The following CDH4 variants were observed in gnomAD, a reference collection of about 807,000 sequenced individuals.
CDH4 encodes cadherin-4.
A neutral mutation model predicts 86.0 loss-of-function variants in CDH4; 33 were observed. The ratio of observed to expected loss-of-function variants is 0.38; its 90% CI spans 0.29 to 0.51. CDH4 has a LOEUF of 0.51. Among genes scored for constraint, CDH4 ranks in the 20% least tolerant of loss-of-function variants. The probability of loss-of-function intolerance (pLI) is 0.86; values close to 1 mark genes in which losing one functional copy is unlikely to be tolerated. For synonymous variants in CDH4, 555 were observed against 549.4 expected (o/e 1.01, Z -0.14); for missense variants, 1,114 against 1,307.4 (o/e 0.85, Z 2.28).
At chr20:61,846,170 C>G in intron 5 of CDH4, among the ~76,000 whole-genome samples, 1 of 152,248 alleles carries the variant, frequency 6.6e-6, no homozygotes, top group East Asian at 1.9e-4. Flanking sequence ...CTGCCCTAAC[C>G]CCGGTCTGCA....
chr20:61,796,325 G>A (rs574959200), intron 4 of CDH4, among the ~76,000 whole-genome samples: 3 of 152,138 alleles, frequency 2.0e-5, no homozygotes, highest in South Asian at 4.2e-4. Flanking sequence ...GCTCAAAGCC[G>A]CTCTCTGGCC....
intron 2 of CDH4, among the ~76,000 whole-genome samples, chr20:61,650,670 A>G (rs1431358912): frequency 6.6e-6 from 1 of 152,216 alleles, no homozygotes; most frequent in Non-Finnish European, 1.5e-5. Flanking sequence ...ATCAGCATAG[A>G]TGATCCACCC....
chr20:61,931,510 C>T (rs926703608), intron 13 of CDH4, among the ~76,000 whole-genome samples: 8 of 152,176 alleles, frequency 5.3e-5, no homozygotes, highest in African/African-American at 1.9e-4. Flanking sequence ...ACTGGGGGGT[C>T]GCCGCCCCTC....
At chr20:61,724,431 G>GCTT in intron 2 of CDH4, among the ~76,000 whole-genome samples, 4 of 152,182 alleles carry the variant, frequency 2.6e-5, no homozygotes, top group Non-Finnish European at 5.9e-5. Flanking sequence ...GCTGAGTACA[G>GCTT]TGGGCTCAGT....
chr20:61,425,740 A>G (rs972416632), intron 2 of CDH4, among the ~76,000 whole-genome samples: 2 of 151,774 alleles, frequency 1.3e-5, no homozygotes, highest in African/African-American at 4.8e-5. Context: ...CCAGGGCAGA[A>G]TGGCCAATTG....
chr20:61,345,535 G>A (rs911343569), intron 2 of CDH4, among the ~76,000 whole-genome samples: 3 of 152,218 alleles, frequency 2.0e-5, no homozygotes, highest in Admixed American at 1.3e-4. Flanking sequence ...GAATACCCAG[G>A]GTGGAAAATC....
intron 9 of CDH4, among the ~76,000 whole-genome samples, chr20:61,916,670 G>A (rs1220138469): frequency 6.6e-6 from 1 of 152,228 alleles, no homozygotes; most frequent in Admixed American, 6.5e-5. Context: ...TCCCTCAGAA[G>A]AGCAGGCACC....
At chr20:61,410,430 C>G (rs1410396819) in intron 2 of CDH4, among the ~76,000 whole-genome samples, 1 of 134,702 alleles carries the variant, frequency 7.4e-6, no homozygotes, top group African/African-American at 2.5e-5. Context: ...TCTTCCATTC[C>G]TCCCACTGGT....
At chr20:61,789,203 A>C (rs1459338501) in intron 4 of CDH4, among the ~76,000 whole-genome samples, 1 of 152,202 alleles carries the variant, frequency 6.6e-6, no homozygotes, top group Non-Finnish European at 1.5e-5. Context: ...TGGCCTACGG[A>C]TGCATCTGCA....
At chr20:61,931,923 A>G (rs1039691668) in intron 13 of CDH4, among the ~76,000 whole-genome samples, 4 of 152,092 alleles carry the variant, frequency 2.6e-5, no homozygotes, top group African/African-American at 9.7e-5. Flanking sequence ...GAGTGGTGGA[A>G]AGAGCCCCTC....
At chr20:61,519,860 G>A (rs542430360) in intron 2 of CDH4, among the ~76,000 whole-genome samples, 6 of 152,304 alleles carry the variant, frequency 3.9e-5, no homozygotes, top group South Asian at 2.1e-4. Flanking sequence ...GGCCCTGACC[G>A]CTGTCTAGAA....
At chr20:61,891,357 A>G (rs2056511777) in intron 7 of CDH4, among the ~76,000 whole-genome samples, 1 of 152,146 alleles carries the variant, frequency 6.6e-6, no homozygotes, top group Admixed American at 6.5e-5. Context: ...TGCAGCCTGC[A>G]GGCCCCTCCC....
intron 2 of CDH4, among the ~76,000 whole-genome samples, chr20:61,588,554 G>A (rs902570142): frequency 1.3e-5 from 2 of 152,280 alleles, no homozygotes; most frequent in East Asian, 1.9e-4. Flanking sequence ...CTCATTCCCC[G>A]CTGAGGGGAA....
intron 2 of CDH4, among the ~76,000 whole-genome samples, chr20:61,671,328 C>CA (rs1188516233): frequency 2.6e-5 from 4 of 152,042 alleles, no homozygotes; most frequent in South Asian, 4.1e-4. Flanking sequence ...CCTGTCTCTA[C>CA]AAAAATTAAT....
rs938194127 is a variant in CDH4, at chr20:61,881,733, C to A, written c.1050+7833C>A. Among the ~76,000 whole-genome samples the A allele has an allele frequency of 2.6e-5, 4 of 152,350 alleles. No individual in the cohort carries two copies. In the East Asian group the frequency reaches 7.7e-4, roughly 29 times the overall value. On this transcript the variant is annotated intron_variant, in intron 7 of 15. Coordinates refer to ENST00000614565, the MANE Select transcript of CDH4 (RefSeq NM_001794.5). ...ACCCGTCACAGCCGGAAGTCCAGGT[C>A]CCCTGGGGGCCACTGGCCCAGCCAC...
intron 2 of CDH4, among the ~76,000 whole-genome samples, chr20:61,505,031 C>T (rs2085730697): frequency 6.6e-6 from 1 of 152,174 alleles, no homozygotes; most frequent in African/African-American, 2.4e-5. Context: ...ATTGTTTGCT[C>T]TTTAACATTT....
At chr20:61,693,580 G>A (rs544970437) in intron 2 of CDH4, among the ~76,000 whole-genome samples, 20 of 152,182 alleles carry the variant, frequency 1.3e-4, no homozygotes, top group Non-Finnish European at 2.5e-4. Context: ...TCTGCCCTGC[G>A]TCCGCTCCAC....
At chr20:61,263,047 T>C (rs1438466807) in intron 2 of CDH4, among the ~76,000 whole-genome samples, 2 of 152,006 alleles carry the variant, frequency 1.3e-5, no homozygotes, top group Admixed American at 1.3e-4. Flanking sequence ...AAGAAGTAAT[T>C]TCTCCTCCAA....
intron 2 of CDH4, among the ~76,000 whole-genome samples, chr20:61,427,710 G>A (rs530161832): frequency 2.6e-4 from 39 of 151,930 alleles, no homozygotes; most frequent in African/African-American, 6.3e-4. Context: ...CCCCAATTTC[G>A]TGACAGGCAA....
Sources: allele counts gnomAD v4.1 joint callset (sites outside exome capture counted in the v4.1 genomes callset), GRCh38; gene constraint gnomAD v4.1.1; transcripts MANE v1.5; gene names NCBI Gene and HGNC (gene_info 2026-07-23, HGNC 2026-07-21).